Variants in ATP13A4 observed in about 807,000 individuals in gnomAD.
ATP13A4 encodes the protein ATPase 13A4.
ATP13A4 carries 114 observed loss-of-function variants against 142.5 expected under a neutral mutation model. The observed-to-expected ratio is 0.80, with a 90% CI of 0.69 to 0.93. ATP13A4 has a LOEUF of 0.93. ATP13A4 is among the 40% of genes least tolerant of loss of function. The probability of loss-of-function intolerance (pLI) is 0.00; values close to 1 mark genes in which losing one functional copy is unlikely to be tolerated. For missense variants in ATP13A4, 1,392 were observed against 1,454.0 expected (o/e 0.96, Z 0.69); for synonymous variants, 488 against 514.8 (o/e 0.95, Z 0.70).
intron 29 of ATP13A4, chr3:193,404,270 CACACAG>C (rs1220765945): frequency 2.1e-6 from 1 of 466,386 alleles, no homozygotes; most frequent in African/African-American, 2.2e-5. Flanking sequence ...CACACACACA[CACACAG>C]AGAGAGAAAC....
chr3:193,574,737 C>T (rs1246491471), intron 2 of ATP13A4, among the ~76,000 whole-genome samples: 1 of 152,050 alleles, frequency 6.6e-6, no homozygotes, highest in Non-Finnish European at 1.5e-5. Context: ...AACAAAAAAC[C>T]TAGATCTCAA....
At chr3:193,462,852 C>G in intron 12 of ATP13A4, 29 bp from the exon 13 acceptor site, 1 of 1,610,732 alleles carries the variant, frequency 6.2e-7, no homozygotes, top group Non-Finnish European at 8.5e-7. Context: ...TCCATTTACT[C>G]TGAAGATCCA....
chr3:193,460,013 A>C (rs116546152), intron 13 of ATP13A4, among the ~76,000 whole-genome samples: 6 of 152,260 alleles, frequency 3.9e-5, no homozygotes, highest in Admixed American at 1.3e-4. Context: ...GTTGGTTCTC[A>C]AAGCAGCTTA....
chr3:193,584,076 C>T (rs1333532982), intron 1 of ATP13A4, among the ~76,000 whole-genome samples: 2 of 152,152 alleles, frequency 1.3e-5, no homozygotes, highest in African/African-American at 4.8e-5. Context: ...GCGTAGTACA[C>T]AGAATAACGC....
chr3:193,531,296 GAGGA>G (rs772860170), intron 1 of ATP13A4, among the ~76,000 whole-genome samples: 31,461 of 73,550 alleles, frequency 0.43, 6,810 homozygotes, highest in Admixed American at 0.47. Flanking sequence ...GGGAGGGAGG[GAGGA>G]AGGAAGGAAG....
chr3:193,463,956 G>T (rs1233976713), intron 12 of ATP13A4, among the ~76,000 whole-genome samples: 1 of 152,104 alleles, frequency 6.6e-6, no homozygotes, highest in Non-Finnish European at 1.5e-5. Context: ...GCTTCAGTTT[G>T]GGAAAATAAA....
intron 2 of ATP13A4, among the ~76,000 whole-genome samples, chr3:193,504,278 T>TAGAC (rs1198647904): frequency 1.3e-5 from 2 of 152,138 alleles, no homozygotes; most frequent in Non-Finnish European, 2.9e-5. Context: ...GATCTGATGA[T>TAGAC]AGACATGGTC....
chr3:193,515,042 G>A (rs575922733), intron 1 of ATP13A4, among the ~76,000 whole-genome samples, 171 bp from the exon 2 acceptor site: 14 of 152,168 alleles, frequency 9.2e-5, no homozygotes, highest in African/African-American at 3.1e-4. Flanking sequence ...ACAAAGAAGT[G>A]TAAGACATGA....
At chr3:193,537,239 C>T (rs1722635030) in intron 1 of ATP13A4, among the ~76,000 whole-genome samples, 2 of 152,100 alleles carry the variant, frequency 1.3e-5, no homozygotes, top group African/African-American at 4.8e-5. Context: ...GACTGTATGG[C>T]ATTGGCACAT....
intron 21 of ATP13A4, 140 bp from the exon 22 acceptor site, chr3:193,439,205 G>GA: frequency 1.2e-6 from 1 of 860,490 alleles, no homozygotes; most frequent in Non-Finnish European, 1.9e-6. Flanking sequence ...TAGTTTGACT[G>GA]AAAAAAGTGT....
intron 1 of ATP13A4, among the ~76,000 whole-genome samples, chr3:193,528,750 A>C (rs186548657): frequency 9.2e-4 from 140 of 152,266 alleles, no homozygotes; most frequent in Non-Finnish European, 1.6e-3. Context: ...AATACAAATA[A>C]AAACTTTATA....
intron 25 of ATP13A4, among the ~76,000 whole-genome samples, chr3:193,429,501 A>G (rs532901319): frequency 1.3e-5 from 2 of 152,094 alleles, no homozygotes; most frequent in Non-Finnish European, 2.9e-5. Context: ...TACAAAATGG[A>G]TTATACTAAA....
chr3:193,509,353 G>C (rs1011738408), intron 2 of ATP13A4, among the ~76,000 whole-genome samples: 2 of 152,166 alleles, frequency 1.3e-5, no homozygotes, highest in African/African-American at 2.4e-5. Context: ...AACTCCATGA[G>C]GTCAAGAACC....
intron 3 of ATP13A4, among the ~76,000 whole-genome samples, chr3:193,497,205 A>G (rs1360398982): frequency 1.3e-5 from 2 of 152,234 alleles, no homozygotes; most frequent in Admixed American, 1.3e-4. Context: ...TACATAAGGA[A>G]CTCAAAAAAC....
Position 193,476,305 on chromosome 3 carries a change from C to T in ATP13A4, c.809-5312G>A, listed in dbSNP as rs542988370. On this transcript the variant is annotated intron_variant, in intron 8 of 29. Transcript: ENST00000342695. ...ATGGAGATGGCTTCTTTCTTTAAAC[C>T]TCATAAGCCAAACTCTGCTAGCTTC... Among the ~76,000 whole-genome samples, 39 of 152,110 alleles carry T rather than the reference C, an allele frequency of 2.6e-4. No homozygotes were observed. The South Asian group carries it at 7.5e-3, about 29-fold the overall frequency.
In ATP13A4 at chr3:193,483,959, G is replaced by A. The variant is rs529022829; in HGVS notation, c.785C>T (p.Thr262Met). 1.2e-4 allele frequency: 199 copies of A among 1,607,810 alleles called. 2 individuals are homozygous for A. The East Asian group carries it at 2.4e-3, about 19-fold the overall frequency. ...ACCTTTTCTCCCACATACAGAGACC[G>A]TAATGCTATTATGTGACTCGACGAG... is the stretch of plus-strand genomic sequence containing the variant. ...HHLVESHNSI[T>M]VSVCGRKAGV... Residue 262 changes from threonine to methionine, a missense_variant, in exon 8 of 30, where the codon ACG becomes ATG. By Grantham distance (81) the Thr-to-Met change is moderately conservative (BLOSUM62 -1). Transcript: ENST00000342695.
At chr3:193,554,993 T>C (rs1487849397), upstream of ATP13A4, 6 of 1,422,910 alleles carry the variant, frequency 4.2e-6, no homozygotes, top group African/African-American at 2.8e-5. Flanking sequence ...CTCCCACGAG[T>C]CGCCCTCTGC....
intron 25 of ATP13A4, among the ~76,000 whole-genome samples, chr3:193,432,484 C>T (rs1716034566): frequency 1.3e-5 from 2 of 152,064 alleles, no homozygotes; most frequent in Admixed American, 1.3e-4. Flanking sequence ...AACTTGGAAG[C>T]AACTAAGATA....
chr3:193,543,890 A>G (rs1015027894), intron 1 of ATP13A4, among the ~76,000 whole-genome samples: 2 of 152,242 alleles, frequency 1.3e-5, no homozygotes, highest in Non-Finnish European at 2.9e-5. Context: ...TAACAAATTT[A>G]TAAAGTCCAA....
Sources: gnomAD v4.1 joint callset for allele counts (sites outside exome capture counted in the v4.1 genomes callset) on GRCh38, gnomAD v4.1.1 for gene constraint, MANE v1.5 for transcripts, NCBI Gene and HGNC (gene_info 2026-07-23, HGNC 2026-07-21) for gene names.